NDST1: variants seen among roughly 807,000 people sequenced by gnomAD.
NDST1 encodes bifunctional heparan sulfate N-deacetylase/N-sulfotransferase 1.
Under a neutral mutation model 92.8 loss-of-function variants are expected in NDST1, and 35 were observed. The observed-to-expected ratio is 0.38, with a 90% CI of 0.29 to 0.50. The LOEUF is 0.50. Ranked by LOEUF, NDST1 falls within the 20% of genes least tolerant of loss-of-function variation. The pLI is 0.94. For missense variants in NDST1, 822 were observed against 1,182.7 expected, an observed-to-expected ratio of 0.69 and a Z score of 4.47; for synonymous variants, 493 against 500.3, an observed-to-expected ratio of 0.99 and a Z score of 0.19.
At chr5:150,548,535 A>T in intron 12 of NDST1, 147 bp downstream of exon 12, 2 of 720,978 alleles carry the variant, frequency 2.8e-6, no homozygotes, top group Non-Finnish European at 4.4e-6. Flanking sequence ...AAAAGATTTT[A>T]TTATTATTAT....
chr5:150,519,969 A>G (rs1754166915), intron 1 of NDST1, among the ~76,000 whole-genome samples: 1 of 152,092 alleles, frequency 6.6e-6, no homozygotes, highest in South Asian at 2.1e-4. Context: ...CAGAAGGTCC[A>G]GGGCGGGGGA....
chr5:150,531,500 CTTT>C (rs35747232), intron 3 of NDST1, among the ~76,000 whole-genome samples: 12 of 131,112 alleles, frequency 9.2e-5, no homozygotes, highest in Non-Finnish European at 8.1e-5. Context: ...CTTTTTCTCT[CTTT>C]TTTTTTTTTT....
At chr5:150,547,806 C>T (rs1755557840) in intron 11 of NDST1, among the ~76,000 whole-genome samples, 1 of 152,226 alleles carries the variant, frequency 6.6e-6, no homozygotes, top group Non-Finnish European at 1.5e-5. Context: ...GTGCCTCAGC[C>T]TTCCGAGTAG....
At chr5:150,547,776 C>A (rs1000812099) in intron 11 of NDST1, among the ~76,000 whole-genome samples, 270 of 152,298 alleles carry the variant, frequency 1.8e-3, no homozygotes, top group Non-Finnish European at 9.0e-4. Flanking sequence ...ACCTCCACCC[C>A]CCGAGTTTAA....
intron 1 of NDST1, among the ~76,000 whole-genome samples, chr5:150,515,516 T>C (rs1753917504): frequency 1.3e-5 from 2 of 152,062 alleles, no homozygotes; most frequent in East Asian, 3.9e-4. Context: ...CAGTGGTTGG[T>C]GATGACTTCA....
chr5:150,506,751 A>T (rs963055396), upstream of NDST1, among the ~76,000 whole-genome samples: 9 of 149,834 alleles, frequency 6.0e-5, no homozygotes, highest in Non-Finnish European at 1.3e-4. Flanking sequence ...GTCCCTTAAC[A>T]CCCCAAGGCG....
At position 150,535,810 on chromosome 5, in the gene NDST1, C is replaced by A. The variant is rs146104541; in HGVS notation, c.1362C>A (p.Arg454=). 1.9e-6 allele frequency: 3 copies of A among 1,614,052 alleles called. No homozygotes were observed. Among genetic ancestry groups the A allele is most frequent in the Non-Finnish European group, 2.5e-6 (3 of 1,180,038 alleles). ...CTTGGAAGCAGGTGTGGAGCATCCG[C>A]GTGACCAGCACGGAGGAGTACCCCC... The part of the protein sequence containing the change: ...YEAWKQVWSI[R]VTSTEEYPHL... The change falls in exon 6 of 15, where the codon CGC becomes CGA. Residue 454 remains arginine, a synonymous_variant. Coordinates refer to ENST00000261797, the MANE Select transcript of NDST1 (RefSeq NM_001543.5).
intron 4 of NDST1, among the ~76,000 whole-genome samples, chr5:150,534,233 A>G (rs1438281907): frequency 2.0e-5 from 3 of 152,116 alleles, no homozygotes; most frequent in East Asian, 3.9e-4. Flanking sequence ...AGTAGCAGGT[A>G]CTACAGGTGC....
chr5:150,510,544 T>G (rs1183255455), intron 1 of NDST1, among the ~76,000 whole-genome samples: 1 of 152,194 alleles, frequency 6.6e-6, no homozygotes, highest in Non-Finnish European at 1.5e-5. Flanking sequence ...GCAGGTGACC[T>G]GCCGTGTTCC....
intron 1 of NDST1, among the ~76,000 whole-genome samples, chr5:150,519,784 G>C (rs1256448859): frequency 2.6e-5 from 4 of 152,226 alleles, no homozygotes; most frequent in Admixed American, 1.3e-4. Context: ...CTGGTAGACT[G>C]TGTTTGGGGT....
chr5:150,509,106 C>G (rs1222259634), intron 1 of NDST1, among the ~76,000 whole-genome samples: 2 of 152,218 alleles, frequency 1.3e-5, no homozygotes, highest in African/African-American at 2.4e-5. Flanking sequence ...GACTGGGAGG[C>G]TGTTGTGGTT....
At position 150,521,778 on chromosome 5, in the gene NDST1, A is replaced by T. The variant is rs1295383775; in HGVS notation, c.513+11A>T. 1.2e-6 allele frequency: 2 copies of T among 1,612,168 alleles called. No individual in the cohort carries two copies. The highest frequency in any genetic ancestry group is 1.7e-6 in the Non-Finnish European group (2 of 1,180,026). On this transcript the variant is annotated intron_variant, in intron 2 of 14. Coordinates refer to ENST00000261797, the MANE Select transcript of NDST1 (RefSeq NM_001543.5). This position sits in a 1 kb window ranked among gnomAD's most constrained non-coding sequence, Gnocchi z 5.9. ...ATTGGCTTCTTCAAGGTACACAAGA[A>T]GCAGGGTCCCCGAGCAGTTCAGAGC...
chr5:150,553,297 A>G lies in NDST1; in HGVS notation c.2614A>G (p.Thr872Ala). ...GTATAAGATGGGCCAGACACTTCCC[A>G]CTTGGCTACGAGAGGACCTCCAGAA... is the stretch of plus-strand genomic sequence containing the variant. Reference protein sequence around the residue: ...LLYKMGQTLPTWLREDLQNTR With the variant: ...LLYKMGQTLPAWLREDLQNTR The change falls in exon 15 of 15, where the codon ACT (threonine) becomes GCT (alanine). Residue 872 changes from threonine (T) to alanine (A), a missense_variant. Physicochemically the swap from Thr to Ala is moderately conservative, Grantham distance 58. Transcript: ENST00000261797. This position sits in a 1 kb window ranked among gnomAD's most constrained non-coding sequence, Gnocchi z 4.2. 6.2e-7 allele frequency: 1 copy of G among 1,613,736 alleles called. No homozygotes were observed. The highest frequency in any genetic ancestry group is 2.2e-5 in the East Asian group (1 of 44,858).
chr5:150,501,405 G>A (rs1047235632), intron 1 of NDST1, among the ~76,000 whole-genome samples: 7 of 152,204 alleles, frequency 4.6e-5, no homozygotes, highest in African/African-American at 1.7e-4. Context: ...GCCAAAAGGA[G>A]AGGAAAAGGC....
intron 8 of NDST1, among the ~76,000 whole-genome samples, 191 bp downstream of exon 8, chr5:150,540,455 T>C (rs753908367): frequency 2.0e-5 from 3 of 152,128 alleles, no homozygotes; most frequent in South Asian, 2.1e-4. Flanking sequence ...TGCTCATACA[T>C]GTACATACTT....
intron 13 of NDST1, chr5:150,550,850 A>G (rs904242577): frequency 2.0e-5 from 3 of 152,266 alleles, no homozygotes; most frequent in African/African-American, 4.8e-5. Flanking sequence ...AGTTGGGGAT[A>G]AAGATAATAA....
intron 1 of NDST1, among the ~76,000 whole-genome samples, chr5:150,510,033 A>G (rs1310802810): frequency 7.0e-6 from 1 of 142,986 alleles, no homozygotes; most frequent in Non-Finnish European, 1.5e-5. Context: ...GGAAAGTAGG[A>G]CTGCAGAAGG....
chr5:150,521,183 C>T lies in NDST1; in HGVS notation c.-72C>T, dbSNP rs1474461549. ...GTTGGTCAGTGGACGATTCTCGTGT[C>T]TCCTCCTGTGTGGGGCCTTGGGGTA... On this transcript the variant is annotated 5_prime_UTR_variant, in exon 2 of 15. Transcript: ENST00000261797. This position sits in a 1 kb window ranked among gnomAD's most constrained non-coding sequence, Gnocchi z 5.9. The T allele has an allele frequency of 1.9e-5, 26 of 1,388,284 alleles. No individual in the cohort carries two copies. Among genetic ancestry groups the T allele is most frequent in the Non-Finnish European group, 2.5e-5 (25 of 1,016,982 alleles). The allele number at this position is 1,388,284 out of a possible 1,614,324, so 86.0% of individuals were successfully genotyped here.
intron 2 of NDST1, among the ~76,000 whole-genome samples, chr5:150,526,656 G>A (rs922597904): frequency 1.6e-4 from 25 of 152,216 alleles, no homozygotes; most frequent in African/African-American, 5.3e-4. Context: ...GAGAAATGCT[G>A]CAGCTGAGGC....
Sources: allele counts gnomAD v4.1 joint callset (sites outside exome capture counted in the v4.1 genomes callset), GRCh38; gene constraint gnomAD v4.1.1; non-coding constraint Gnocchi (gnomAD v3.1); transcripts MANE v1.5; gene names NCBI Gene and HGNC (gene_info 2026-07-23, HGNC 2026-07-21).